The following B3GALT1 variants were observed in gnomAD, a reference collection of about 807,000 sequenced individuals.
B3GALT1 encodes the protein beta-1,3-galactosyltransferase 1.
Under a neutral mutation model 23.2 loss-of-function variants are expected in B3GALT1, and 10 were observed. That is an observed-to-expected ratio of 0.43 (90% CI 0.27 to 0.73). The LOEUF (loss-of-function observed/expected upper bound fraction) is 0.73. Ranked by LOEUF, B3GALT1 falls within the 30% of genes least tolerant of loss-of-function variation. B3GALT1 has a pLI of 0.21. For synonymous variants in B3GALT1, 156 were observed against 141.5 expected (o/e 1.10, Z -0.73); for missense variants, 299 against 405.4 (o/e 0.74, Z 2.25).
At chr2:167,350,591 C>A (rs1044692451) in intron 1 of B3GALT1, among the ~76,000 whole-genome samples, 1 of 152,138 alleles carries the variant, frequency 6.6e-6, no homozygotes, top group Non-Finnish European at 1.5e-5. Context: ...CTGCATCCAG[C>A]GTATGAAAAC....
chr2:167,818,441 G>T (rs940930583), intron 3 of B3GALT1, among the ~76,000 whole-genome samples: 1 of 152,136 alleles, frequency 6.6e-6, no homozygotes, highest in Non-Finnish European at 1.5e-5. Flanking sequence ...GGGCTTGAAG[G>T]CATCTGAGTT....
chr2:167,752,407 C>T (rs935069303), intron 3 of B3GALT1, among the ~76,000 whole-genome samples: 1 of 151,752 alleles, frequency 6.6e-6, no homozygotes, highest in Admixed American at 6.6e-5. Context: ...TTATAAAGGC[C>T]GTGTAAATGT....
intron 2 of B3GALT1, among the ~76,000 whole-genome samples, chr2:167,520,863 A>G (rs926449428): frequency 2.0e-5 from 3 of 152,214 alleles, no homozygotes; most frequent in Non-Finnish European, 4.4e-5. Context: ...AGTTGGCTCA[A>G]CGTTTACTTT....
At chr2:167,621,900 C>T (rs1279174821) in intron 2 of B3GALT1, among the ~76,000 whole-genome samples, 5 of 152,056 alleles carry the variant, frequency 3.3e-5, no homozygotes, top group South Asian at 2.1e-4. Flanking sequence ...CTGTATGTTT[C>T]CTGAAGCCTT....
intron 3 of B3GALT1, among the ~76,000 whole-genome samples, chr2:167,702,769 T>C (rs1013027927): frequency 6.6e-6 from 1 of 152,220 alleles, no homozygotes; most frequent in African/African-American, 2.4e-5. Context: ...AAAGCTATTT[T>C]CATGTCAAAA....
intron 3 of B3GALT1, among the ~76,000 whole-genome samples, chr2:167,664,585 T>G (rs1686136876): frequency 6.6e-6 from 1 of 152,294 alleles, no homozygotes; most frequent in African/African-American, 2.4e-5. Context: ...TGATTCTTCC[T>G]ACCCATGAGC....
chr2:167,531,666 C>CT (rs1300601277), intron 2 of B3GALT1, among the ~76,000 whole-genome samples: 1 of 152,080 alleles, frequency 6.6e-6, no homozygotes, highest in Non-Finnish European at 1.5e-5. Context: ...TATTTCTGCA[C>CT]TTTATTTCTT....
At chr2:167,788,204 G>A (rs1170665965) in intron 3 of B3GALT1, among the ~76,000 whole-genome samples, 1 of 145,426 alleles carries the variant, frequency 6.9e-6, no homozygotes, top group Non-Finnish European at 1.5e-5. Flanking sequence ...ATTTAGATCA[G>A]TAGTCCCCAA....
intron 1 of B3GALT1, among the ~76,000 whole-genome samples, chr2:167,310,075 A>G (rs140240051): frequency 2.0e-5 from 3 of 152,234 alleles, no homozygotes; most frequent in Non-Finnish European, 4.4e-5. Context: ...CACAGGATGC[A>G]TTATTTTCAC....
At chr2:167,628,453 T>C (rs960077029) in intron 2 of B3GALT1, among the ~76,000 whole-genome samples, 1 of 151,662 alleles carries the variant, frequency 6.6e-6, no homozygotes, top group African/African-American at 2.4e-5. Context: ...ACCCAAATCA[T>C]AGATGGATAT....
At chr2:167,617,152 T>C (rs567248490) in intron 2 of B3GALT1, among the ~76,000 whole-genome samples, 2 of 152,196 alleles carry the variant, frequency 1.3e-5, no homozygotes, top group African/African-American at 4.8e-5. Context: ...TTTTCTCCTT[T>C]AAACTTAAAG....
intron 2 of B3GALT1, among the ~76,000 whole-genome samples, chr2:167,619,067 A>G (rs1463959975): frequency 1.3e-5 from 2 of 151,958 alleles, no homozygotes; most frequent in East Asian, 3.9e-4. Flanking sequence ...GTAGTTGTCA[A>G]TGATTTTCTA....
rs921378325 is a variant in B3GALT1 at position 167,873,653 on chromosome 2, A to T, written c.*3633A>T. ...GTGAATGAAAGAAGTAATTTACTAG[A>T]ACAACGCTTGTTGATGATAATTGAC... On this transcript the variant is annotated 3_prime_UTR_variant, in exon 5 of 5. Coordinates refer to ENST00000392690, the MANE Select transcript of B3GALT1 (RefSeq NM_020981.4). 6 of 152,242 alleles carry T rather than the reference A, an allele frequency of 3.9e-5. No homozygotes were observed. Among genetic ancestry groups the T allele is most frequent in the African/African-American group, 1.4e-4 (6 of 41,458 alleles). The allele number at this position is 152,242 out of a possible 1,614,324, so 9.4% of individuals were successfully genotyped here. A position where few individuals can be genotyped will look rare whatever the true frequency, so the allele number is the denominator to read the frequency against.
chr2:167,308,260 A>G (rs923401816), intron 1 of B3GALT1, among the ~76,000 whole-genome samples: 1 of 152,030 alleles, frequency 6.6e-6, no homozygotes, highest in Admixed American at 6.6e-5. Flanking sequence ...AGAGCCAAGA[A>G]TTTAATACCA....
At chr2:167,442,896 A>G (rs1698918223) in intron 1 of B3GALT1, among the ~76,000 whole-genome samples, 1 of 140,642 alleles carries the variant, frequency 7.1e-6, no homozygotes, top group South Asian at 2.3e-4. Context: ...CCCATTTGTC[A>G]ATTTTGGCTT....
chr2:167,504,435 C>A (rs1699890263), intron 2 of B3GALT1, among the ~76,000 whole-genome samples: 1 of 152,154 alleles, frequency 6.6e-6, no homozygotes, highest in Admixed American at 6.5e-5. Flanking sequence ...CCTCAAAGGT[C>A]CTGCTTTGAT....
chr2:167,543,520 A>G (rs1683569362), intron 2 of B3GALT1, among the ~76,000 whole-genome samples: 1 of 152,218 alleles, frequency 6.6e-6, no homozygotes, highest in Admixed American at 6.5e-5. Flanking sequence ...AAATTATGAA[A>G]AAAGCAAATT....
chr2:167,705,020 C>T (rs1157989519), intron 3 of B3GALT1, among the ~76,000 whole-genome samples: 1 of 152,220 alleles, frequency 6.6e-6, no homozygotes, highest in African/African-American at 2.4e-5. Flanking sequence ...ATCCATCCCT[C>T]CTAGTGGGAA....
chr2:167,845,465 T>G (rs552729106), intron 4 of B3GALT1, among the ~76,000 whole-genome samples: 2 of 152,172 alleles, frequency 1.3e-5, no homozygotes, highest in South Asian at 2.1e-4. Context: ...CAGGTAGACT[T>G]ACTTACGGAG....
Sources: allele counts gnomAD v4.1 joint callset (sites outside exome capture counted in the v4.1 genomes callset), GRCh38; gene constraint gnomAD v4.1.1; transcripts MANE v1.5; gene names NCBI Gene and HGNC (gene_info 2026-07-23, HGNC 2026-07-21).